Variants in RGL1 observed in about 807,000 individuals in gnomAD.
The protein encoded by RGL1 is ral guanine nucleotide dissociation stimulator-like 1.
In RGL1, 24 loss-of-function variants were observed where a neutral mutation model predicts 95.2. The observed-to-expected ratio is 0.25, with a 90% CI of 0.18 to 0.35. The LOEUF is 0.35. Ranked by LOEUF, RGL1 falls within the 10% of genes least tolerant of loss-of-function variation. RGL1 has a pLI of 1.00. For synonymous variants in RGL1, 329 were observed against 344.9 expected (o/e 0.95, Z 0.51); for missense variants, 715 against 936.3 (o/e 0.76, Z 3.08).
intron 8 of RGL1, among the ~76,000 whole-genome samples, chr1:183,890,039 C>T (rs1196769024): frequency 6.6e-6 from 1 of 152,088 alleles, no homozygotes; most frequent in Non-Finnish European, 1.5e-5. Context: ...TGGTGAAATG[C>T]GATGGGAAAA....
chr1:183,642,411 C>A (rs1053087404), intron 1 of RGL1, among the ~76,000 whole-genome samples: 1 of 152,110 alleles, frequency 6.6e-6, no homozygotes, highest in African/African-American at 2.4e-5. Flanking sequence ...ATGTGGGAAC[C>A]GAGTATGTCA....
intron 16 of RGL1, among the ~76,000 whole-genome samples, 191 bp from the exon 17 acceptor site, chr1:183,922,031 T>A (rs1669335007): frequency 6.6e-6 from 1 of 152,198 alleles, no homozygotes. Context: ...TCGCCCATCA[T>A]CTGTGGCTGC....
chr1:183,785,059 G>C (rs1361765918), intron 2 of RGL1, among the ~76,000 whole-genome samples: 1 of 152,074 alleles, frequency 6.6e-6, no homozygotes, highest in Non-Finnish European at 1.5e-5. Flanking sequence ...ATTTTTCAGT[G>C]GGGCAGTGCT....
At chr1:183,740,967 T>C (rs1238825973) in intron 1 of RGL1, among the ~76,000 whole-genome samples, 3 of 152,188 alleles carry the variant, frequency 2.0e-5, no homozygotes, top group Non-Finnish European at 4.4e-5. Context: ...GGTGACATGA[T>C]AGAAGTTTGT....
intron 3 of RGL1, among the ~76,000 whole-genome samples, chr1:183,850,189 C>T (rs1426753480): frequency 6.6e-6 from 1 of 152,150 alleles, no homozygotes; most frequent in East Asian, 1.9e-4. Context: ...ACTGCCTTTT[C>T]ATATCCTTTT....
At chr1:183,896,118 T>C (rs1440627539) in intron 9 of RGL1, among the ~76,000 whole-genome samples, 1 of 152,232 alleles carries the variant, frequency 6.6e-6, no homozygotes, top group African/African-American at 2.4e-5. Flanking sequence ...AGGTGGGCAC[T>C]CTTATTCAAG....
At chr1:183,647,675 A>AT (rs780687879) in intron 1 of RGL1, 8 of 1,590,284 alleles carry the variant, frequency 5.0e-6, no homozygotes, top group Non-Finnish European at 6.9e-6. Flanking sequence ...AGGAATGTAG[A>AT]TTTTATTTCT....
intron 1 of RGL1, among the ~76,000 whole-genome samples, chr1:183,733,195 G>A (rs571720289): frequency 2.6e-5 from 4 of 152,130 alleles, no homozygotes; most frequent in Non-Finnish European, 4.4e-5. Flanking sequence ...ATTAAAAATA[G>A]GGATTGTATC....
chr1:183,656,067 A>C (rs1214095129), intron 1 of RGL1, among the ~76,000 whole-genome samples: 2 of 151,860 alleles, frequency 1.3e-5, no homozygotes, highest in South Asian at 2.1e-4. Flanking sequence ...AATTTTAAGG[A>C]AACAGATAGA....
chr1:183,691,175 A>C (rs1653925964), intron 1 of RGL1, among the ~76,000 whole-genome samples: 1 of 152,236 alleles, frequency 6.6e-6, no homozygotes, highest in African/African-American at 2.4e-5. Context: ...TCTGCATTTC[A>C]TCATAAAAAC....
intron 1 of RGL1, among the ~76,000 whole-genome samples, chr1:183,713,515 A>G (rs907529536): frequency 1.3e-5 from 2 of 151,854 alleles, no homozygotes; most frequent in East Asian, 1.9e-4. Flanking sequence ...TCCTTTCTCA[A>G]TGCGATGGCA....
chr1:183,901,945 C>G (rs1668051871), intron 11 of RGL1, among the ~76,000 whole-genome samples: 1 of 152,210 alleles, frequency 6.6e-6, no homozygotes, highest in South Asian at 2.1e-4. Flanking sequence ...TTGCATAGAT[C>G]TACCTACCTT....
At position 183,746,017 on chromosome 1, in the gene RGL1, AATTCAT is replaced by A. The variant is rs200783910; in HGVS notation, c.132+3729_132+3734del. Among the ~76,000 whole-genome samples, 291 of 123,118 alleles carry A rather than the reference AATTCAT, an allele frequency of 2.4e-3. 6 individuals are homozygous for A. The East Asian group carries it at 0.082, about 35-fold the overall frequency. 80.8% of individuals were successfully genotyped at this position (123,118 alleles called of 152,430 possible). ...TAACTAAGGCTAAAGAAGTTCCTTCAATTCATTTTTTTTTTTTTGCTAAGTGCTTAT... is the reference window on the plus strand; with the variant it reads ...TAACTAAGGCTAAAGAAGTTCCTTCATTTTTTTTTTTTGCTAAGTGCTTAT... On this transcript the variant is annotated intron_variant, in intron 2 of 18. Transcript: ENST00000304685.
At position 183,912,142 on chromosome 1, in the gene RGL1, C is replaced by T. The variant is rs1021313964; in HGVS notation, c.1623C>T (p.Ser541=). ...SPTPTKEQPK[S]TASGSSGESM... ...CTCCCACCAAAGAGCAGCCCAAGTC[C>T]ACTGCCAGCGGGAGCTCTGGTGAAA... is the stretch of plus-strand genomic sequence containing the variant. Residue 541 remains serine (S), a synonymous_variant, in exon 15 of 18, where the codon TCC becomes TCT. Transcript: ENST00000360851. 4 of 1,613,982 alleles carry T rather than the reference C, an allele frequency of 2.5e-6. No homozygotes were observed. The highest frequency in any genetic ancestry group is 1.3e-5 in the African/African-American group (1 of 74,906).
intron 15 of RGL1, among the ~76,000 whole-genome samples, chr1:183,912,694 G>T (rs755146937): frequency 1.3e-5 from 2 of 152,192 alleles, no homozygotes; most frequent in Non-Finnish European, 2.9e-5. Flanking sequence ...TCTCTCTTAT[G>T]TATCTGCTGG....
At chr1:183,786,739 T>A (rs1420993325) in intron 2 of RGL1, among the ~76,000 whole-genome samples, 1 of 152,228 alleles carries the variant, frequency 6.6e-6, no homozygotes, top group East Asian at 1.9e-4. Context: ...ACATTCTTTT[T>A]AAAGTATTCT....
chr1:183,680,060 G>T (rs1272488279), intron 1 of RGL1, among the ~76,000 whole-genome samples: 2 of 151,936 alleles, frequency 1.3e-5, no homozygotes, highest in African/African-American at 4.8e-5. Context: ...TTTTTGATGG[G>T]GTTGTTTGTT....
chr1:183,795,416 G>A (rs1177019109), intron 2 of RGL1, among the ~76,000 whole-genome samples: 2 of 152,236 alleles, frequency 1.3e-5, no homozygotes, highest in African/African-American at 4.8e-5. Flanking sequence ...ATGGTACTAT[G>A]AGAGCACATA....
In RGL1 at chr1:183,863,495, A is replaced by T. The variant is rs553739335; in HGVS notation, c.348-2501A>T. The stretch of plus-strand genomic sequence containing the variant: ...TTTATGGGAGGGTTTTGAGTGGAGC[A>T]GTGACATGATCTGATCTACCTAAAG... On this transcript the variant is annotated intron_variant, in intron 3 of 17. Transcript: ENST00000360851. 2.0e-5 allele frequency among the ~76,000 whole-genome samples: 3 copies of T among 152,102 alleles called. No homozygotes were observed. The East Asian group carries it at 5.8e-4, about 29-fold the overall frequency.
Sources: gnomAD v4.1 joint callset for allele counts (sites outside exome capture counted in the v4.1 genomes callset) on GRCh38, gnomAD v4.1.1 for gene constraint, MANE v1.5 for transcripts, NCBI Gene and HGNC (gene_info 2026-07-23, HGNC 2026-07-21) for gene names.